The following DHDDS variants were observed in gnomAD, a reference collection of about 807,000 sequenced individuals.
The protein encoded by DHDDS is dehydrodolichyl diphosphate synthase subunit.
Under a neutral mutation model 46.2 loss-of-function variants are expected in DHDDS, and 16 were observed. The ratio of observed to expected loss-of-function variants is 0.35; its 90% confidence interval spans 0.23 to 0.53. DHDDS has a LOEUF of 0.53. DHDDS is among the 20% of genes least tolerant of loss of function. The pLI is 0.94. For synonymous variants in DHDDS, 151 were observed against 163.1 expected (o/e 0.93, Z 0.56); for missense variants, 340 against 423.7 (o/e 0.80, Z 1.73).
chr1:26,469,233 G>C lies in DHDDS; in HGVS notation c.*102G>C. On this transcript the variant is annotated 3_prime_UTR_variant, in exon 9 of 9. Transcript: ENST00000236342. The stretch of plus-strand genomic sequence containing the variant: ...GCACCTCCTTTCCTGATAATGAATG[G>C]TGTTCCCTTTGCTTGGCTGGGGAGC... The C allele has an allele frequency of 1.3e-6, 2 of 1,596,056 alleles. No individual in the cohort carries two copies. Among genetic ancestry groups the C allele is most frequent in the Non-Finnish European group, 1.7e-6 (2 of 1,177,526 alleles).
At chr1:26,450,862 T>C (rs2075312399) in intron 6 of DHDDS, among the ~76,000 whole-genome samples, 1 of 152,228 alleles carries the variant, frequency 6.6e-6, no homozygotes, top group Admixed American at 6.5e-5. Flanking sequence ...TTTTGTGCTT[T>C]ATAATGAATA....
At chr1:26,449,875 A>G (rs879898623) in intron 6 of DHDDS, among the ~76,000 whole-genome samples, 7 of 152,196 alleles carry the variant, frequency 4.6e-5, no homozygotes, top group Admixed American at 1.3e-4. Flanking sequence ...GACTTACGTT[A>G]CAGTGGATAG....
intron 2 of DHDDS, chr1:26,433,252 G>A (rs1328573635): frequency 7.1e-6 from 4 of 566,720 alleles, no homozygotes; most frequent in Non-Finnish European, 3.1e-6. Flanking sequence ...AGACTGCTAA[G>A]TATTCTTTAT....
intron 2 of DHDDS, among the ~76,000 whole-genome samples, chr1:26,434,200 C>A (rs1050734217): frequency 1.3e-5 from 2 of 152,206 alleles, no homozygotes; most frequent in Non-Finnish European, 2.9e-5. Flanking sequence ...CTCCTATCTT[C>A]CCCAAATCTT....
At chr1:26,462,431 T>C (rs2075433538) in intron 8 of DHDDS, among the ~76,000 whole-genome samples, 2 of 152,206 alleles carry the variant, frequency 1.3e-5, no homozygotes, top group Admixed American at 1.3e-4. Context: ...GGTCCCAGAA[T>C]ACCTGGGTTT....
In DHDDS at chr1:26,457,980, T is replaced by G. The variant is rs1010679686; in HGVS notation, c.657+75T>G. ...GTATCCACAGAATGGATCAGAGTGG[T>G]CCATCCCCACTCCCAAACAGGCTGG... On this transcript the variant is annotated intron_variant, in intron 7 of 8. Coordinates refer to ENST00000236342, the MANE Select transcript of DHDDS (RefSeq NM_205861.3). 20 of 1,331,188 alleles carry G rather than the reference T, an allele frequency of 1.5e-5. 1 individual carries two copies. In the South Asian group the frequency reaches 2.2e-4, roughly 15 times the overall value. 82.5% of individuals were successfully genotyped at this position (1,331,188 alleles called of 1,614,324 possible).
intron 6 of DHDDS, chr1:26,454,821 G>A: frequency 6.3e-7 from 1 of 1,581,302 alleles, no homozygotes. Context: ...CACATCTTAG[G>A]TGCTTTGTTC....
chr1:26,441,148 C>G (rs746748833), intron 3 of DHDDS, among the ~76,000 whole-genome samples: 15 of 152,014 alleles, frequency 9.9e-5, no homozygotes, highest in Non-Finnish European at 2.1e-4. Context: ...TGGTCTTGAA[C>G]TCCTGACCTC....
intron 6 of DHDDS, chr1:26,455,274 AGAGTCTCACATAACTTG>A (rs2075360521): frequency 3.5e-6 from 2 of 575,020 alleles, no homozygotes; most frequent in Middle Eastern, 9.6e-4. Flanking sequence ...TGGATTGTAC[AGAGTCTCACATAACTTG>A]GAGAATTAAG....
intron 6 of DHDDS, among the ~76,000 whole-genome samples, chr1:26,450,590 T>G (rs1274561256): frequency 1.3e-5 from 2 of 152,178 alleles, no homozygotes; most frequent in African/African-American, 2.4e-5. Context: ...CAGCCAGCAT[T>G]ACATAAGCCA....
chr1:26,453,671 T>C (rs2075342592), intron 6 of DHDDS, among the ~76,000 whole-genome samples: 1 of 152,156 alleles, frequency 6.6e-6, no homozygotes, highest in Non-Finnish European at 1.5e-5. Flanking sequence ...GAAGGATGGC[T>C]TGAGCCCAGG....
chr1:26,444,075 C>T (rs1023063932), intron 4 of DHDDS, among the ~76,000 whole-genome samples: 10 of 152,188 alleles, frequency 6.6e-5, no homozygotes, highest in Admixed American at 5.9e-4. Flanking sequence ...TCATCTACTA[C>T]ACTGTGCTCT....
intron 3 of DHDDS, among the ~76,000 whole-genome samples, chr1:26,439,104 T>C (rs977219663): frequency 6.6e-6 from 1 of 152,128 alleles, no homozygotes; most frequent in African/African-American, 2.4e-5. Flanking sequence ...AATTTTTTTG[T>C]ATTTTTAGTA....
intron 8 of DHDDS, among the ~76,000 whole-genome samples, chr1:26,465,692 A>G (rs1043181312): frequency 2.0e-5 from 3 of 152,158 alleles, no homozygotes; most frequent in South Asian, 2.1e-4. Context: ...ATGGTGGCCA[A>G]TATTGTTCCC....
chr1:26,457,828 A>G lies in DHDDS; in HGVS notation c.580A>G (p.Thr194Ala). The change falls in exon 7 of 9, where the codon ACC becomes GCC. Residue 194 changes from threonine (T) to alanine (A), a missense_variant. This residue lies in a region of DHDDS where 268 missense variants were observed against 300.3 expected (regional missense o/e 0.89). Coordinates refer to ENST00000236342, the MANE Select transcript of DHDDS (RefSeq NM_205861.3). ...SESLLDKCLY[T>A]NRSPHPDILI... is the part of the protein sequence containing the mutation. The stretch of plus-strand genomic sequence containing the variant: ...GTCTCTGCTTGATAAGTGCCTCTAT[A>G]CCAACCGCTCTCCTCATCCTGACAT... 2.5e-6 allele frequency: 4 copies of G among 1,613,894 alleles called. No individual in the cohort carries two copies. The highest frequency in any genetic ancestry group is 3.4e-6 in the Non-Finnish European group (4 of 1,179,966).
rs115109514 is a variant in DHDDS at position 26,465,275 on chromosome 1, C to T, written c.766-3620C>T. Among the ~76,000 whole-genome samples, 636 of 152,324 alleles carry T rather than the reference C, an allele frequency of 4.2e-3. 2 individuals are homozygous for T. The highest frequency in any genetic ancestry group is 0.014 in the African/African-American group (602 of 41,580). On this transcript the variant is annotated intron_variant, in intron 8 of 8. Transcript: ENST00000236342. ...GTACATTTGTCACAATTTAAACGGGCTGGATTGAACATTATATTTCTTCTG... is the reference window on the plus strand; with the variant it reads ...GTACATTTGTCACAATTTAAACGGGTTGGATTGAACATTATATTTCTTCTG...
At chr1:26,455,225 A>C (rs910968752) in intron 6 of DHDDS, 1 of 683,238 alleles carries the variant, frequency 1.5e-6, no homozygotes, top group East Asian at 2.5e-5. Context: ...GGAAAGAGCA[A>C]ATGGGCCCAT....
intron 6 of DHDDS, among the ~76,000 whole-genome samples, chr1:26,454,011 T>C (rs1178188706): frequency 2.6e-5 from 4 of 152,010 alleles, no homozygotes; most frequent in African/African-American, 9.7e-5. Flanking sequence ...TGGAGTGCAG[T>C]GGTGCAATCT....
At chr1:26,447,745 T>C (rs2075283677) in intron 6 of DHDDS, 85 bp downstream of exon 6, 1 of 1,269,658 alleles carries the variant, frequency 7.9e-7, no homozygotes, top group Non-Finnish European at 1.1e-6. Context: ...TCCTAGCACA[T>C]TAGGAGGCCG....
Sources: allele counts gnomAD v4.1 joint callset (sites outside exome capture counted in the v4.1 genomes callset), GRCh38; gene constraint gnomAD v4.1.1; regional missense constraint gnomAD v4.1.1; transcripts MANE v1.5; gene names NCBI Gene and HGNC (gene_info 2026-07-23, HGNC 2026-07-21).